DMD: variants seen among roughly 807,000 people sequenced by gnomAD.
The protein encoded by DMD is dystrophin.
In DMD, 63 loss-of-function variants were observed where a neutral mutation model predicts 330.1. That is an observed-to-expected ratio of 0.19 (90% CI 0.16 to 0.24). The LOEUF is 0.24. Among genes scored for constraint, DMD ranks in the 10% least tolerant of loss-of-function variants. DMD has a pLI of 1.00. For missense variants in DMD, 3,344 were observed against 2,684.1 expected (o/e 1.25, Z -5.43); for synonymous variants, 1,223 against 959.8 (o/e 1.27, Z -5.07).
At chrX:33,331,772 C>A (rs2054181288) in intron 1 of DMD, among the ~76,000 whole-genome samples, 1 of 111,388 alleles carries the variant, frequency 9.0e-6, no homozygotes, top group African/African-American at 3.3e-5. Context: ...TTACTTTTGT[C>A]TAGACAATAT....
At chrX:31,334,605 A>G (rs2057325425) in intron 61 of DMD, among the ~76,000 whole-genome samples, 1 of 111,724 alleles carries the variant, frequency 9.0e-6, no homozygotes, top group Non-Finnish European at 1.9e-5. Context: ...TTCATATTTC[A>G]GGTGACTCGT....
In DMD at chrX:31,558,616, TGAAA is replaced by T. The variant is rs2074995386; in HGVS notation, c.8218-51167_8218-51164del. Among the ~76,000 whole-genome samples the T allele has an allele frequency of 4.5e-5, 5 of 110,793 alleles. No homozygotes were observed. In the South Asian group the frequency reaches 1.9e-3, roughly 43 times the overall value. On this transcript the variant is annotated intron_variant, in intron 55 of 78. Coordinates refer to ENST00000357033, the MANE Select transcript of DMD (RefSeq NM_004006.3). ...AATCTGTGCACAAAAGAAAGAACTA[TGAAA>T]GAATTATGTCTGAGTTATATGTGTA... is the stretch of plus-strand genomic sequence containing the variant.
intron 1 of DMD, among the ~76,000 whole-genome samples, chrX:33,187,962 C>T (rs1269635137): frequency 9.0e-6 from 1 of 111,311 alleles, no homozygotes; most frequent in African/African-American, 3.3e-5. Context: ...ACTACATGGT[C>T]CTCTTATACC....
At chrX:32,800,221 G>A (rs1472262189) in intron 7 of DMD, among the ~76,000 whole-genome samples, 1 of 111,697 alleles carries the variant, frequency 9.0e-6, no homozygotes, top group Non-Finnish European at 1.9e-5. Context: ...CCAATATCTG[G>A]TTAAATAAAA....
At chrX:32,868,615 G>C (rs751189052) in intron 2 of DMD, among the ~76,000 whole-genome samples, 1 of 112,570 alleles carries the variant, frequency 8.9e-6, no homozygotes, top group South Asian at 3.6e-4. Context: ...CTGCAGTACA[G>C]CACACCAGCT....
intron 9 of DMD, among the ~76,000 whole-genome samples, chrX:32,650,857 T>C (rs765700533): frequency 1.1e-4 from 12 of 112,270 alleles, no homozygotes; most frequent in African/African-American, 3.9e-4. Flanking sequence ...CCATTATTTA[T>C]TGAGTACTTA....
intron 7 of DMD, among the ~76,000 whole-genome samples, chrX:32,720,973 T>C (rs1325759173): frequency 6.3e-5 from 7 of 111,368 alleles, no homozygotes; most frequent in African/African-American, 2.3e-4. Context: ...GTAGCATATT[T>C]TTTTCTGTGT....
chrX:31,970,768 G>A (rs1603618575), intron 44 of DMD, among the ~76,000 whole-genome samples: 2 of 110,995 alleles, frequency 1.8e-5, no homozygotes, highest in African/African-American at 6.5e-5. Context: ...TTGAGGCAAC[G>A]TAAATTATTA....
chrX:31,217,107 T>C (rs1771201925), intron 64 of DMD, among the ~76,000 whole-genome samples: 1 of 100,148 alleles, frequency 1.0e-5, no homozygotes. Flanking sequence ...GCCTCACACC[T>C]GTAGAATGTC....
chrX:32,686,138 T>C (rs1380476200), intron 9 of DMD, among the ~76,000 whole-genome samples: 1 of 111,841 alleles, frequency 8.9e-6, no homozygotes, highest in African/African-American at 3.2e-5. Flanking sequence ...AACCAAGCAT[T>C]ATTACATTTT....
In DMD at chrX:33,137,253, C is replaced by T. The variant is rs1456564580; in HGVS notation, c.31+74029G>A. Among the ~76,000 whole-genome samples, 5 of 111,270 alleles carry T rather than the reference C, an allele frequency of 4.5e-5. No homozygotes were observed. The East Asian group carries it at 1.4e-3, about 32-fold the overall frequency. ...GGCAAGGTGTGCTAGGATTTCCAACCACTTTAACTTGGCATGAGGACTATT... is the reference window on the plus strand; with the variant it reads ...GGCAAGGTGTGCTAGGATTTCCAACTACTTTAACTTGGCATGAGGACTATT... On this transcript the variant is annotated intron_variant, in intron 1 of 78. Coordinates refer to ENST00000357033, the MANE Select transcript of DMD (RefSeq NM_004006.3).
At chrX:33,103,431 G>C in intron 1 of DMD, among the ~76,000 whole-genome samples, 2 of 110,464 alleles carry the variant, frequency 1.8e-5, no homozygotes, top group Middle Eastern at 9.4e-3. Context: ...AGTGGAAATG[G>C]CCTGTTCCTG....
At chrX:31,518,108 A>G (rs2072419792) in intron 55 of DMD, among the ~76,000 whole-genome samples, 1 of 111,400 alleles carries the variant, frequency 9.0e-6, no homozygotes, top group South Asian at 3.8e-4. Context: ...TGCCAGTTCT[A>G]AAGGACACAA....
chrX:31,802,206 G>A (rs2092100040), intron 50 of DMD, among the ~76,000 whole-genome samples: 1 of 110,215 alleles, frequency 9.1e-6, no homozygotes, highest in Non-Finnish European at 1.9e-5. Context: ...AAATGGTAAG[G>A]TACTGGAGCA....
intron 44 of DMD, among the ~76,000 whole-genome samples, chrX:32,136,690 A>T (rs2096727126): frequency 8.9e-6 from 1 of 112,516 alleles, no homozygotes; most frequent in Non-Finnish European, 1.9e-5. Context: ...GTGAGATTCA[A>T]ACTGGTTTTG....
intron 3 of DMD, 61 bp downstream of exon 3, chrX:32,849,667 A>T (rs2080972151): frequency 3.5e-6 from 3 of 851,250 alleles, no homozygotes; most frequent in Admixed American, 4.5e-5. Context: ...CTATGTTGTC[A>T]GTTTCTGGTC....
chrX:32,442,519 A>G (rs1038017352), intron 27 of DMD, among the ~76,000 whole-genome samples: 5 of 110,962 alleles, frequency 4.5e-5, no homozygotes, highest in Non-Finnish European at 9.5e-5. Context: ...GAAGATATAC[A>G]TGAACAAAAA....
At chrX:31,754,122 A>T (rs1353627) in intron 51 of DMD, among the ~76,000 whole-genome samples, 47,091 of 110,609 alleles carry the variant, frequency 0.43, 7,636 homozygotes, top group African/African-American at 0.6. Context: ...TTGAATTAAC[A>T]ATTTAAAATA....
At chrX:33,098,094 T>C (rs6631735) in intron 1 of DMD, among the ~76,000 whole-genome samples, 40,546 of 110,903 alleles carry the variant, frequency 0.37, 5,664 homozygotes, top group East Asian at 0.85. Context: ...GCTAGTATGA[T>C]TTTACCTGTA....
Sources: allele counts gnomAD v4.1 joint callset (sites outside exome capture counted in the v4.1 genomes callset), GRCh38; gene constraint gnomAD v4.1.1; transcripts MANE v1.5; gene names NCBI Gene and HGNC (gene_info 2026-07-23, HGNC 2026-07-21).